BMPR1B: variants seen among roughly 807,000 people sequenced by gnomAD.
The protein encoded by BMPR1B is bone morphogenetic protein receptor type-1B.
In BMPR1B, 12 loss-of-function variants were observed where a neutral mutation model predicts 59.1. The observed-to-expected ratio is 0.20, with a 90% confidence interval of 0.13 to 0.33. The LOEUF is 0.33. BMPR1B is among the 10% of genes least tolerant of loss of function. BMPR1B has a pLI of 1.00. For synonymous variants in BMPR1B, 237 were observed against 207.3 expected, an observed-to-expected ratio of 1.14 and a Z score of -1.23; for missense variants, 550 against 610.9, an observed-to-expected ratio of 0.90 and a Z score of 1.05.
chr4:94,947,789 TTCCTGAAAGGAATGTCTC>T (rs543686306), intron 2 of BMPR1B, among the ~76,000 whole-genome samples: 174 of 152,318 alleles, frequency 1.1e-3, no homozygotes, highest in Admixed American at 5.1e-3. Flanking sequence ...TTTTACTCCA[TTCCTGAAAGGAATGTCTC>T]TCCTGAAAGG....
At chr4:94,981,867 A>C (rs547579226) in intron 2 of BMPR1B, among the ~76,000 whole-genome samples, 3 of 152,346 alleles carry the variant, frequency 2.0e-5, no homozygotes, top group Non-Finnish European at 4.4e-5. Context: ...TCCCAGTTGA[A>C]TTATACAGCT....
chr4:94,820,935 AT>A (rs892449846), intron 1 of BMPR1B, among the ~76,000 whole-genome samples: 3 of 152,228 alleles, frequency 2.0e-5, no homozygotes, highest in Non-Finnish European at 4.4e-5. Flanking sequence ...AAGAGAGATC[AT>A]TAGAGTGCAT....
chr4:94,777,617 T>C (rs1338780508), intron 1 of BMPR1B, among the ~76,000 whole-genome samples: 1 of 152,202 alleles, frequency 6.6e-6, no homozygotes, highest in Non-Finnish European at 1.5e-5. Context: ...TTTTTTGATA[T>C]GCAAAATGAG....
intron 3 of BMPR1B, among the ~76,000 whole-genome samples, chr4:95,030,901 C>T (rs1385791326): frequency 6.6e-6 from 1 of 152,160 alleles, no homozygotes; most frequent in East Asian, 1.9e-4. Context: ...ACATTCCATG[C>T]TCATGGGTAG....
chr4:94,759,725 ATAAT>A (rs1721685993), intron 1 of BMPR1B, among the ~76,000 whole-genome samples: 1 of 152,260 alleles, frequency 6.6e-6, no homozygotes, highest in African/African-American at 2.4e-5. Context: ...CCGGTGATCA[ATAAT>A]GTTTTTGGAA....
At chr4:94,971,896 A>C (rs1425345102) in intron 2 of BMPR1B, among the ~76,000 whole-genome samples, 1 of 151,926 alleles carries the variant, frequency 6.6e-6, no homozygotes, top group Non-Finnish European at 1.5e-5. Context: ...AAAGTTGTAG[A>C]AGTATAGTAT....
At chr4:94,945,457 A>C (rs1240587943) in intron 2 of BMPR1B, among the ~76,000 whole-genome samples, 1 of 152,194 alleles carries the variant, frequency 6.6e-6, no homozygotes, top group Non-Finnish European at 1.5e-5. Flanking sequence ...GTTGTTGTTT[A>C]GACAGGGTCT....
At chr4:95,144,652 G>A (rs1024368173) in intron 10 of BMPR1B, among the ~76,000 whole-genome samples, 4 of 152,034 alleles carry the variant, frequency 2.6e-5, no homozygotes, top group African/African-American at 7.2e-5. Flanking sequence ...AGGGACAAAA[G>A]CCATGTTGGA....
rs369609245 is a variant in BMPR1B, at chr4:95,154,558, A to G, written c.1394A>G (p.Gln465Arg). ...ATTTCTCTTCCTCAGTGTCTAAGGC[A>G]GATGGGAAAACTCATGACAGAATGC... is the stretch of plus-strand genomic sequence containing the variant. ...NRWSSDECLR[Q>R]MGKLMTECWA... is the part of the protein sequence containing the mutation. Residue 465 changes from glutamine (Q) to arginine (R), a missense_variant, in exon 13 of 13, where the codon CAG becomes CGG. Around this residue, in one of 6 missense-constraint regions of BMPR1B, gnomAD observed 123 missense variants for 164.6 expected, o/e 0.75. Transcript: ENST00000515059. 11 of 1,614,046 alleles carry G rather than the reference A, an allele frequency of 6.8e-6. No individual in the cohort carries two copies. Among genetic ancestry groups the G allele is most frequent in the East Asian group, 6.7e-5 (3 of 44,890 alleles).
intron 1 of BMPR1B, among the ~76,000 whole-genome samples, chr4:94,873,117 G>A (rs1191191255): frequency 6.6e-6 from 1 of 151,908 alleles, no homozygotes; most frequent in Non-Finnish European, 1.5e-5. Flanking sequence ...AGCAAAACTT[G>A]TAACAGGTGT....
At chr4:95,061,161 AC>A (rs1727337074) in intron 3 of BMPR1B, among the ~76,000 whole-genome samples, 2 of 3,228 alleles carry the variant, frequency 6.2e-4, no homozygotes, top group African/African-American at 5.8e-3. Flanking sequence ...TTTAGAATAA[AC>A]ACACACACAC....
At chr4:94,944,706 A>G (rs1729644697) in intron 2 of BMPR1B, among the ~76,000 whole-genome samples, 1 of 152,224 alleles carries the variant, frequency 6.6e-6, no homozygotes, top group African/African-American at 2.4e-5. Context: ...AAGCAGAACT[A>G]TGGAGAGGAC....
chr4:95,034,886 A>T (rs1319702382), intron 3 of BMPR1B, among the ~76,000 whole-genome samples: 1 of 152,120 alleles, frequency 6.6e-6, no homozygotes, highest in Non-Finnish European at 1.5e-5. Context: ...ACTAGTTTAC[A>T]TTCTCACCAG....
At chr4:94,887,028 G>C (rs1727195231) in intron 2 of BMPR1B, among the ~76,000 whole-genome samples, 1 of 152,082 alleles carries the variant, frequency 6.6e-6, no homozygotes, top group South Asian at 2.1e-4. Context: ...TTGCTTTTCA[G>C]GGAGGGGATA....
chr4:95,041,652 A>G (rs866266209), intron 3 of BMPR1B, among the ~76,000 whole-genome samples: 9 of 152,042 alleles, frequency 5.9e-5, no homozygotes, highest in African/African-American at 2.2e-4. Context: ...CTAGAACAAA[A>G]ATATCTGGGT....
At chr4:94,800,368 T>G (rs1339032500) in intron 1 of BMPR1B, among the ~76,000 whole-genome samples, 1 of 152,184 alleles carries the variant, frequency 6.6e-6, no homozygotes, top group African/African-American at 2.4e-5. Flanking sequence ...ATTGGTAAAT[T>G]GCCAAGTGTA....
intron 3 of BMPR1B, among the ~76,000 whole-genome samples, chr4:95,102,774 T>C (rs17023014): frequency 0.043 from 6,613 of 152,230 alleles, 484 homozygotes; most frequent in African/African-American, 0.15. Flanking sequence ...ACGAGCATAC[T>C]ATATAGAAAT....
At chr4:94,981,876 C>T (rs897777813) in intron 2 of BMPR1B, among the ~76,000 whole-genome samples, 3 of 152,310 alleles carry the variant, frequency 2.0e-5, no homozygotes, top group Non-Finnish European at 4.4e-5. Context: ...AATTATACAG[C>T]TGTAGCTGGT....
At chr4:95,040,846 A>T (rs926271686) in intron 3 of BMPR1B, among the ~76,000 whole-genome samples, 11 of 152,182 alleles carry the variant, frequency 7.2e-5, no homozygotes, top group African/African-American at 2.4e-4. Context: ...AAACAAACTC[A>T]GACTCTTCCA....
Sources: gnomAD v4.1 joint callset for allele counts (sites outside exome capture counted in the v4.1 genomes callset) on GRCh38, gnomAD v4.1.1 for gene constraint, gnomAD v4.1.1 regional missense constraint, MANE v1.5 for transcripts, NCBI Gene and HGNC (gene_info 2026-07-23, HGNC 2026-07-21) for gene names.